Variants in WWOX observed in about 807,000 individuals in gnomAD.
The protein encoded by WWOX is WW domain-containing oxidoreductase.
Under a neutral mutation model 46.2 loss-of-function variants are expected in WWOX, and 69 were observed. The observed-to-expected ratio is 1.49, with a 90% confidence interval of 1.23 to 1.82. WWOX has a LOEUF of 1.82. Among genes scored for constraint, WWOX ranks in the 40% most tolerant of loss-of-function variants. The pLI is 0.00. For synonymous variants in WWOX, 359 were observed against 202.6 expected, an observed-to-expected ratio of 1.77 and a Z score of -6.56; for missense variants, 919 against 542.6, an observed-to-expected ratio of 1.69 and a Z score of -6.89.
chr16:79,036,279 A>G (rs1187986440), intron 8 of WWOX, among the ~76,000 whole-genome samples: 1 of 152,214 alleles, frequency 6.6e-6, no homozygotes, highest in Admixed American at 6.5e-5. Context: ...GACTCCCACC[A>G]GATAATGCCC....
chr16:78,290,158 C>T (rs75714557), intron 5 of WWOX, among the ~76,000 whole-genome samples: 3,545 of 152,244 alleles, frequency 0.023, 52 homozygotes, highest in Non-Finnish European at 0.035. Context: ...GGGGTTTCTA[C>T]ACTGGAAGTG....
chr16:78,409,502 C>G (rs2082625544), intron 6 of WWOX, among the ~76,000 whole-genome samples: 1 of 152,152 alleles, frequency 6.6e-6, no homozygotes, highest in African/African-American at 2.4e-5. Context: ...CTTCCCATAG[C>G]ATAATGCATG....
chr16:78,926,524 C>G, intron 8 of WWOX, among the ~76,000 whole-genome samples: 1 of 152,324 alleles, frequency 6.6e-6, no homozygotes, highest in East Asian at 1.9e-4. Flanking sequence ...GGCGAAGTCG[C>G]AGCCATTTAA....
intron 5 of WWOX, among the ~76,000 whole-genome samples, chr16:78,216,051 C>G (rs1375579279): frequency 6.6e-6 from 1 of 152,180 alleles, no homozygotes; most frequent in African/African-American, 2.4e-5. Flanking sequence ...AACAGAGACA[C>G]AAACACATCG....
chr16:78,758,688 C>A (rs1441850444), intron 8 of WWOX, among the ~76,000 whole-genome samples: 1 of 152,062 alleles, frequency 6.6e-6, no homozygotes, highest in Non-Finnish European at 1.5e-5. Flanking sequence ...CCCTTTCCTC[C>A]CTGTGTGTTA....
intron 8 of WWOX, among the ~76,000 whole-genome samples, chr16:79,105,671 T>TG (rs1430389428): frequency 9.9e-4 from 150 of 151,968 alleles, no homozygotes; most frequent in African/African-American, 3.4e-3. Flanking sequence ...TTTTTTTTTT[T>TG]TTTGTTTGCG....
chr16:78,916,816 G>A (rs896396116), intron 8 of WWOX, among the ~76,000 whole-genome samples: 6 of 152,208 alleles, frequency 3.9e-5, no homozygotes, highest in African/African-American at 1.2e-4. Context: ...ATTTTCTGCT[G>A]TATGAAGTTG....
intron 8 of WWOX, among the ~76,000 whole-genome samples, chr16:78,441,121 T>G (rs978337603): frequency 6.6e-6 from 1 of 152,046 alleles, no homozygotes; most frequent in African/African-American, 2.4e-5. Context: ...GTTTGTATTT[T>G]TAGTAGAGAC....
At chr16:78,392,159 ATAGGAAGCTGCG>A (rs1308474951) in intron 6 of WWOX, among the ~76,000 whole-genome samples, 1 of 152,086 alleles carries the variant, frequency 6.6e-6, no homozygotes, top group Non-Finnish European at 1.5e-5. Context: ...GTGGGCAAGC[ATAGGAAGCTGCG>A]TCTGTGCTTA....
chr16:78,493,625 A>T (rs2084840137), intron 8 of WWOX, among the ~76,000 whole-genome samples: 1 of 152,222 alleles, frequency 6.6e-6, no homozygotes, highest in Non-Finnish European at 1.5e-5. Flanking sequence ...TAATGAGCTA[A>T]TATGTATCTA....
chr16:78,957,029 T>G (rs535118268), intron 8 of WWOX, among the ~76,000 whole-genome samples: 4 of 152,334 alleles, frequency 2.6e-5, no homozygotes, highest in Admixed American at 6.5e-5. Context: ...TTCACATGCT[T>G]TATTTAATAG....
chr16:78,806,566 A>C (rs115958190), intron 8 of WWOX, among the ~76,000 whole-genome samples: 1 of 152,044 alleles, frequency 6.6e-6, no homozygotes. Context: ...TGGAGGGTCT[A>C]TTGGCTGGAA....
chr16:78,724,149 T>C (rs2048767335), intron 8 of WWOX, among the ~76,000 whole-genome samples: 2 of 152,206 alleles, frequency 1.3e-5, no homozygotes, highest in Non-Finnish European at 2.9e-5. Context: ...TTAGCCAGTC[T>C]TTGCCACATC....
chr16:78,724,705 C>G (rs975369696), intron 8 of WWOX, among the ~76,000 whole-genome samples: 1 of 152,128 alleles, frequency 6.6e-6, no homozygotes, highest in East Asian at 1.9e-4. Context: ...GAGATTGAAG[C>G]TCGCACTCTG....
intron 8 of WWOX, among the ~76,000 whole-genome samples, chr16:78,614,195 G>C (rs1311097866): frequency 1.3e-5 from 2 of 152,170 alleles, no homozygotes; most frequent in African/African-American, 4.8e-5. Flanking sequence ...GACTGCTTTT[G>C]CCATCAAATG....
chr16:78,886,893 C>G (rs2044470172), intron 8 of WWOX, among the ~76,000 whole-genome samples: 1 of 151,994 alleles, frequency 6.6e-6, no homozygotes, highest in Admixed American at 6.6e-5. Flanking sequence ...AGGGGCAAGG[C>G]TACTTTTTCC....
chr16:79,128,651 A>G (rs1436880075), intron 8 of WWOX, among the ~76,000 whole-genome samples: 1 of 152,200 alleles, frequency 6.6e-6, no homozygotes, highest in African/African-American at 2.4e-5. Context: ...GAATGATTTC[A>G]CTCAACTGAG....
At chr16:78,832,949 G>A (rs1225343603) in intron 8 of WWOX, among the ~76,000 whole-genome samples, 17 of 151,564 alleles carry the variant, frequency 1.1e-4, no homozygotes. Context: ...CTGCCATTTG[G>A]ACAATGTGCT....
chr16:78,156,797 G>A (rs1238732049), intron 4 of WWOX, among the ~76,000 whole-genome samples: 7 of 152,270 alleles, frequency 4.6e-5, no homozygotes, highest in East Asian at 1.9e-4. Context: ...GGTGGCACGC[G>A]CCTGTAATCC....
Sources: gnomAD v4.1 joint callset for allele counts (sites outside exome capture counted in the v4.1 genomes callset) on GRCh38, gnomAD v4.1.1 for gene constraint, MANE v1.5 for transcripts, NCBI Gene and HGNC (gene_info 2026-07-23, HGNC 2026-07-21) for gene names.